Variants in SFMBT2 observed in about 807,000 individuals in gnomAD.
SFMBT2 encodes scm-like with four MBT domains protein 2.
SFMBT2 carries 38 observed loss-of-function variants against 110.1 expected under a neutral mutation model. The ratio of observed to expected loss-of-function variants is 0.35; its 90% CI spans 0.27 to 0.45. The LOEUF (loss-of-function observed/expected upper bound fraction) is 0.45. SFMBT2 is among the 20% of genes least tolerant of loss of function. The probability of loss-of-function intolerance (pLI) is 1.00; values close to 1 mark genes in which losing one functional copy is unlikely to be tolerated. For synonymous variants in SFMBT2, 425 were observed against 425.4 expected (o/e 1.00, Z 0.01); for missense variants, 1,011 against 1,094.9 (o/e 0.92, Z 1.08).
intron 1 of SFMBT2, among the ~76,000 whole-genome samples, chr10:7,406,519 A>AT (rs1382551211): frequency 6.6e-6 from 1 of 151,514 alleles, no homozygotes; most frequent in Non-Finnish European, 1.5e-5. Flanking sequence ...GGAAAAATGG[A>AT]TAAGTGTTTA....
intron 20 of SFMBT2, among the ~76,000 whole-genome samples, chr10:7,169,486 G>A (rs986286618): frequency 6.6e-6 from 1 of 152,204 alleles, no homozygotes; most frequent in Non-Finnish European, 1.5e-5. Context: ...GGAAGTCACA[G>A]ACCTTTTATG....
chr10:7,168,657 A>G (rs977896003), intron 20 of SFMBT2, among the ~76,000 whole-genome samples: 1 of 152,270 alleles, frequency 6.6e-6, no homozygotes. Flanking sequence ...TAAATGCCAG[A>G]CAGGCAACGT....
In SFMBT2 at chr10:7,294,724, C is replaced by T. The variant is rs146180005; in HGVS notation, c.437-8770G>A. Reference sequence around the variant, plus strand: ...AAAGGACTTCCTAGTTATTGGCAAACTGCTCTCCAAAGTCATTCTTACAAC... The same window carrying T: ...AAAGGACTTCCTAGTTATTGGCAAATTGCTCTCCAAAGTCATTCTTACAAC... On this transcript the variant is annotated intron_variant, in intron 4 of 20. Transcript: ENST00000397167. 4.8e-3 allele frequency among the ~76,000 whole-genome samples: 727 copies of T among 152,320 alleles called. 7 individuals carry two copies. Among genetic ancestry groups the T allele is most frequent in the African/African-American group, 0.016 (645 of 41,560 alleles).
chr10:7,283,535 G>T (rs1017871344), intron 6 of SFMBT2, among the ~76,000 whole-genome samples: 1 of 152,190 alleles, frequency 6.6e-6, no homozygotes, highest in African/African-American at 2.4e-5. Flanking sequence ...GACAGACTGA[G>T]AGATGGGTAC....
intron 20 of SFMBT2, among the ~76,000 whole-genome samples, chr10:7,166,408 CTCTT>C (rs1205786221): frequency 1.3e-5 from 2 of 152,242 alleles, no homozygotes; most frequent in African/African-American, 2.4e-5. Flanking sequence ...ATTCGTGTAA[CTCTT>C]TCTTTACAGA....
chr10:7,185,979 T>C (rs911971384), intron 16 of SFMBT2, among the ~76,000 whole-genome samples: 61 of 152,170 alleles, frequency 4.0e-4, no homozygotes, highest in Non-Finnish European at 7.5e-4. Context: ...CCATTTTTTT[T>C]CCCTGGCATA....
intron 4 of SFMBT2, among the ~76,000 whole-genome samples, chr10:7,362,089 C>T (rs769450548): frequency 3.3e-5 from 5 of 152,174 alleles, no homozygotes; most frequent in Non-Finnish European, 5.9e-5. Flanking sequence ...TAAACCAAAA[C>T]GTTTTACATT....
rs568047263 is a variant in SFMBT2, at chr10:7,225,348, A to G, written c.1203+2507T>C. On this transcript the variant is annotated intron_variant, in intron 10 of 20. Transcript: ENST00000397167. ...AAACATCCCTGGGGAAATGTCTTCC[A>G]TGCATCCAATTCCACACTAGCTCTC... 2.7e-4 allele frequency among the ~76,000 whole-genome samples: 41 copies of G among 152,330 alleles called. No individual in the cohort carries two copies. The Middle Eastern group carries it at 0.01, about 38-fold the overall frequency.
At chr10:7,353,997 G>C (rs1330638047) in intron 4 of SFMBT2, among the ~76,000 whole-genome samples, 1 of 151,022 alleles carries the variant, frequency 6.6e-6, no homozygotes, top group Admixed American at 6.6e-5. Flanking sequence ...TGAGGCAGGA[G>C]AATCGCTCGA....
At chr10:7,253,482 A>G (rs1024891647) in intron 7 of SFMBT2, among the ~76,000 whole-genome samples, 1 of 152,178 alleles carries the variant, frequency 6.6e-6, no homozygotes, top group Non-Finnish European at 1.5e-5. Context: ...GTTGGTGTGG[A>G]AAAAACCCAC....
chr10:7,205,432 A>G (rs1839097476), intron 12 of SFMBT2: 13 of 985,220 alleles, frequency 1.3e-5, no homozygotes, highest in East Asian at 2.3e-4. Flanking sequence ...TATTGGAACC[A>G]ATTAAGATTC....
chr10:7,381,706 T>C, intron 2 of SFMBT2, 93 bp downstream of exon 2: 8 of 1,353,664 alleles, frequency 5.9e-6, no homozygotes, highest in Non-Finnish European at 7.2e-6. Context: ...ATGTGAGATC[T>C]ACAAATGTTG....
At chr10:7,316,375 G>T (rs12769550) in intron 4 of SFMBT2, among the ~76,000 whole-genome samples, 2 of 152,168 alleles carry the variant, frequency 1.3e-5, no homozygotes, top group Non-Finnish European at 2.9e-5. Context: ...GCAGGCAGGT[G>T]AGGGGCTGGG....
At chr10:7,229,416 T>TA (rs2131679156) in intron 9 of SFMBT2, among the ~76,000 whole-genome samples, 1 of 151,896 alleles carries the variant, frequency 6.6e-6, no homozygotes, top group African/African-American at 2.4e-5. Context: ...CCTTCTCTAC[T>TA]AAAAACACAA....
intron 7 of SFMBT2, among the ~76,000 whole-genome samples, chr10:7,272,208 G>C (rs531211484): frequency 6.6e-6 from 1 of 152,182 alleles, no homozygotes; most frequent in South Asian, 2.1e-4. Flanking sequence ...AAAACAGCAG[G>C]CTGAAAACCC....
At chr10:7,223,017 T>G (rs1839795603) in intron 10 of SFMBT2, among the ~76,000 whole-genome samples, 1 of 152,132 alleles carries the variant, frequency 6.6e-6, no homozygotes, top group Non-Finnish European at 1.5e-5. Flanking sequence ...GGACCTCATT[T>G]TATCTTAATT....
Position 7,338,430 on chromosome 10 carries a change from T to A in SFMBT2, c.436+29219A>T, listed in dbSNP as rs924971296. Among the ~76,000 whole-genome samples, 35 of 152,228 alleles carry A rather than the reference T, an allele frequency of 2.3e-4. 1 individual carries two copies. Among genetic ancestry groups the A allele is most frequent in the African/African-American group, 8.4e-4 (35 of 41,454 alleles). On this transcript the variant is annotated intron_variant, in intron 4 of 20. Coordinates refer to ENST00000397167, the MANE Select transcript of SFMBT2 (RefSeq NM_001387889.1). ...CTGAAGCCTTACTGATAGCAGTTGATGAACACATATTTTGTATGTTCTATG... is the reference window on the plus strand; with the variant it reads ...CTGAAGCCTTACTGATAGCAGTTGAAGAACACATATTTTGTATGTTCTATG...
chr10:7,176,511 T>A, intron 16 of SFMBT2: 1 of 985,348 alleles, frequency 1.0e-6, no homozygotes, highest in Non-Finnish European at 1.2e-6. Context: ...TGAAATCGAA[T>A]GGGTATTTTC....
At position 7,290,368 on chromosome 10, in the gene SFMBT2, T is replaced by C. The variant is rs560490962; in HGVS notation, c.437-4414A>G. On this transcript the variant is annotated intron_variant, in intron 4 of 20. Coordinates refer to ENST00000397167, the MANE Select transcript of SFMBT2 (RefSeq NM_001387889.1). Reference sequence around the variant, plus strand: ...AGCATTCCACTACACCTTTTAAAAATCCAAGTTCCATTCCACTAATACCTC... The same window carrying C: ...AGCATTCCACTACACCTTTTAAAAACCCAAGTTCCATTCCACTAATACCTC... Among the ~76,000 whole-genome samples, 14 of 152,184 alleles carry C rather than the reference T, an allele frequency of 9.2e-5. No homozygotes were observed. In the South Asian group the frequency reaches 1.7e-3, roughly 18 times the overall value.
Sources: gnomAD v4.1 joint callset for allele counts (sites outside exome capture counted in the v4.1 genomes callset) on GRCh38, gnomAD v4.1.1 for gene constraint, MANE v1.5 for transcripts, NCBI Gene and HGNC (gene_info 2026-07-23, HGNC 2026-07-21) for gene names.